FRG2C: variants seen among roughly 807,000 people sequenced by gnomAD.
FRG2C encodes protein FRG2-like-2.
FRG2C carries 8 observed loss-of-function variants against 14.1 expected under a neutral mutation model. The ratio of observed to expected loss-of-function variants is 0.57; its 90% CI spans 0.33 to 1.02. The LOEUF is 1.02. FRG2C is among the 50% of genes least tolerant of loss of function. FRG2C has a pLI of 0.03. For missense variants in FRG2C, 214 were observed against 334.2 expected, an observed-to-expected ratio of 0.64 and a Z score of 2.80; for synonymous variants, 92 against 127.4, an observed-to-expected ratio of 0.72 and a Z score of 1.87.
At position 75,665,307 on chromosome 3, in the gene FRG2C, C is replaced by A. The variant is rs58233101; in HGVS notation, c.334+104C>A. 3,673 of 1,445,478 alleles carry A rather than the reference C, an allele frequency of 2.5e-3. 9 individuals are homozygous for A. The East Asian group carries it at 0.06, about 24-fold the overall frequency. 89.5% of individuals were successfully genotyped at this position (1,445,478 alleles called of 1,614,324 possible). A position where few individuals can be genotyped will look rare whatever the true frequency, so the allele number is the denominator to read the frequency against. On this transcript the variant is annotated intron_variant, in intron 3 of 3. Transcript: ENST00000308062. ...AGGAAACTTTTATACGAGGCTTGAG[C>A]GGAAAGGGAATTACTTATTGACAAG...
Position 75,665,618 on chromosome 3 carries a change from T to C in FRG2C, c.426T>C (p.Cys142=), listed in dbSNP as rs1575740520. 6.2e-7 allele frequency: 1 copy of C among 1,614,064 alleles called. No homozygotes were observed. The highest frequency in any genetic ancestry group is 2.2e-5 in the East Asian group (1 of 44,894). ...AVHNSEIQET[C]DAHHRGSSRA... Reference sequence around the variant, plus strand: ...ACAACAGTGAAATCCAGGAGACCTGTGATGCCCACCATAGGGGAAGTTCCA... The same window carrying C: ...ACAACAGTGAAATCCAGGAGACCTGCGATGCCCACCATAGGGGAAGTTCCA... The change falls in exon 4 of 4, where the codon TGT becomes TGC. Residue 142 remains cysteine (C), a synonymous_variant. Transcript: ENST00000308062.
Position 75,665,891 on chromosome 3 carries a change from T to G in FRG2C, c.699T>G (p.Ala233=). Residue 233 remains alanine, a synonymous_variant, in exon 4 of 4, where the codon GCT becomes GCG. Transcript: ENST00000308062. The stretch of plus-strand genomic sequence containing the variant: ...TGTATTCCATGGCCACTCAGGCAGC[T>G]TATGTCTTCCCTGCTGAGAGCTGGC... ...QTLYSMATQA[A]YVFPAESWLV... is the part of the protein sequence containing the mutation. The G allele has an allele frequency of 6.2e-7, 1 of 1,614,008 alleles. No individual in the cohort carries two copies. The highest frequency in any genetic ancestry group is 8.5e-7 in the Non-Finnish European group (1 of 1,179,890).
In FRG2C at chr3:75,666,132, A is replaced by G. The variant is rs1472212354; in HGVS notation, c.*91A>G. On this transcript the variant is annotated 3_prime_UTR_variant, in exon 4 of 4. Transcript: ENST00000308062. Reference sequence around the variant, plus strand: ...AGACGACCAGCAGTGACAATTTTAGATGCACTGTGTTAATAAATGACAGAA... The same window carrying G: ...AGACGACCAGCAGTGACAATTTTAGGTGCACTGTGTTAATAAATGACAGAA... The G allele has an allele frequency of 4.4e-6, 7 of 1,595,160 alleles. No homozygotes were observed. In the East Asian group the frequency reaches 1.6e-4, roughly 36 times the overall value.
Position 75,664,334 on chromosome 3 carries a change from T to C in FRG2C, c.-46T>C, listed in dbSNP as rs1575739656. 4 of 1,611,984 alleles carry C rather than the reference T, an allele frequency of 2.5e-6. No homozygotes were observed. The highest frequency in any genetic ancestry group is 1.1e-5 in the South Asian group (1 of 90,984). On this transcript the variant is annotated 5_prime_UTR_variant, in exon 1 of 4. Coordinates refer to ENST00000308062, the MANE Select transcript of FRG2C (RefSeq NM_001124759.5). ...AGGTCTAGCAGACTAACCCACACTC[T>C]GCCTTTGGACATGTGAGAGAGCGCA... is the stretch of plus-strand genomic sequence containing the variant.
At chr3:75,665,363 T>C (rs1366945632) in intron 3 of FRG2C, among the ~76,000 whole-genome samples, 160 bp downstream of exon 3, 2 of 152,294 alleles carry the variant, frequency 1.3e-5, no homozygotes, top group Admixed American at 6.5e-5. Context: ...ACTCTGAGAA[T>C]ATTTGGGGAC....
Position 75,666,858 on chromosome 3 carries a change from G to C in FRG2C, c.*817G>C, listed in dbSNP as rs1185936464. 2 of 152,432 alleles carry C rather than the reference G, an allele frequency of 1.3e-5. No homozygotes were observed. Among genetic ancestry groups the C allele is most frequent in the South Asian group, 4.1e-4 (2 of 4,832 alleles). 9.4% of individuals were successfully genotyped at this position (152,432 alleles called of 1,614,324 possible). The stretch of plus-strand genomic sequence containing the variant: ...TATTTCTACATAAAATTTAAGTCAA[G>C]ATATATTAAATGGTAAATGATTGTA... On this transcript the variant is annotated 3_prime_UTR_variant, in exon 4 of 4. Coordinates refer to ENST00000308062, the MANE Select transcript of FRG2C (RefSeq NM_001124759.5).
At chr3:75,665,072 A>C in intron 2 of FRG2C, 54 bp from the exon 3 acceptor site, 1 of 1,604,136 alleles carries the variant, frequency 6.2e-7, no homozygotes. Flanking sequence ...ATGGACTAGG[A>C]ATTTCAGGGT....
At chr3:75,665,266 C>G in intron 3 of FRG2C, 63 bp downstream of exon 3, 3 of 1,554,586 alleles carry the variant, frequency 1.9e-6, no homozygotes, top group East Asian at 2.2e-5. Context: ...TGGTTTGCCC[C>G]AAAAGGCAAA....
intron 2 of FRG2C, 78 bp downstream of exon 2, chr3:75,664,974 T>C (rs1199283523): frequency 9.9e-6 from 16 of 1,613,218 alleles, no homozygotes; most frequent in Non-Finnish European, 1.4e-5. Flanking sequence ...TGGGAGCTCC[T>C]TGGCAGCCAG....
rs1466492533 is a variant in FRG2C at position 75,664,461 on chromosome 3, T to A, written c.82T>A (p.Ser28Thr). The change falls in exon 1 of 4, where the codon TCC becomes ACC. Residue 28 changes from serine (S) to threonine (T), a missense_variant. Around this residue, in one of 3 missense-constraint regions of FRG2C, gnomAD observed 23 missense variants for 67.1 expected, o/e 0.34. Transcript: ENST00000308062. Reference sequence around the variant, plus strand: ...TGACCAGCCCCCTTTCCAACAGATCTCCTTTACAGAAAAGGGCTCAGATGA... The same window carrying A: ...TGACCAGCCCCCTTTCCAACAGATCACCTTTACAGAAAAGGGCTCAGATGA... Reference protein sequence around the residue: ...STDQPPFQQISFTEKGSDEKK... With the variant: ...STDQPPFQQITFTEKGSDEKK... 1 of 1,612,482 alleles carries A rather than the reference T, an allele frequency of 6.2e-7. No individual in the cohort carries two copies. Among genetic ancestry groups the A allele is most frequent in the African/African-American group, 1.3e-5 (1 of 74,912 alleles).
In FRG2C at chr3:75,666,636, G is replaced by C. The variant is rs1350622355; in HGVS notation, c.*595G>C. On this transcript the variant is annotated 3_prime_UTR_variant, in exon 4 of 4. Transcript: ENST00000308062. ...GATCCACCAGCCTCCACCTCCCGACGTGGTGGGGTTACAGGCATGAGCCGC... is the reference window on the plus strand; with the variant it reads ...GATCCACCAGCCTCCACCTCCCGACCTGGTGGGGTTACAGGCATGAGCCGC... 15 of 161,500 alleles carry C rather than the reference G, an allele frequency of 9.3e-5. No homozygotes were observed. The highest frequency in any genetic ancestry group is 8.8e-4 in the Admixed American group (15 of 17,102). 10.0% of individuals were successfully genotyped at this position (161,500 alleles called of 1,614,324 possible). A position where few individuals can be genotyped will look rare whatever the true frequency, so the allele number is the denominator to read the frequency against.
chr3:75,664,473 A>C lies in FRG2C; in HGVS notation c.94A>C (p.Lys32Gln). Reference protein sequence around the residue: ...PPFQQISFTEKGSDEKKPFKG... With the variant: ...PPFQQISFTEQGSDEKKPFKG... ...TTTCCAACAGATCTCCTTTACAGAA[A>C]AGGGCTCAGATGAGAAGAAACCATT... Residue 32 changes from lysine to glutamine, a missense_variant, in exon 1 of 4, where the codon AAG (lysine) becomes CAG (glutamine). Physicochemically the swap from Lys to Gln is moderately conservative, Grantham distance 53. This residue lies in a region of FRG2C where 23 missense variants were observed against 67.1 expected (regional missense o/e 0.34). Transcript: ENST00000308062. 6.2e-7 allele frequency: 1 copy of C among 1,612,888 alleles called. No individual in the cohort carries two copies.
At chr3:75,664,706 C>A (rs1259554124) in intron 1 of FRG2C, 113 bp from the exon 2 acceptor site, 26 of 1,606,958 alleles carry the variant, frequency 1.6e-5, no homozygotes, top group Non-Finnish European at 2.1e-5. Context: ...TGTGTTCACT[C>A]ATGACACTGG....
Position 75,664,399 on chromosome 3 carries a change from A to T in FRG2C, c.20A>T (p.Asp7Val). Reference protein sequence around the residue: MGKGNEDPDLHCSSIQC... With the variant: MGKGNEVPDLHCSSIQC... ...TTCAACATGGGAAAGGGAAATGAAG[A>T]CCCCGATCTCCACTGTTCCTCCATC... The change falls in exon 1 of 4, where the codon GAC becomes GTC. Residue 7 changes from aspartate (D) to valine (V), a missense_variant. Asp to Val is a radical substitution (Grantham distance 152). Around this residue, in one of 3 missense-constraint regions of FRG2C, gnomAD observed 23 missense variants for 67.1 expected, o/e 0.34. Transcript: ENST00000308062. The T allele has an allele frequency of 1.2e-6, 2 of 1,612,136 alleles. No individual in the cohort carries two copies. The highest frequency in any genetic ancestry group is 1.7e-6 in the Non-Finnish European group (2 of 1,179,884).
rs2106736905 is a variant in FRG2C, at chr3:75,664,338, T to C, written c.-42T>C. ...CTAGCAGACTAACCCACACTCTGCC[T>C]TTGGACATGTGAGAGAGCGCACCTT... On this transcript the variant is annotated 5_prime_UTR_variant, in exon 1 of 4. Coordinates refer to ENST00000308062, the MANE Select transcript of FRG2C (RefSeq NM_001124759.5). The C allele has an allele frequency of 2.0e-5, 33 of 1,612,056 alleles. No homozygotes were observed. The East Asian group carries it at 7.4e-4, about 36-fold the overall frequency.
In FRG2C at chr3:75,664,403, C is replaced by T. The variant is rs1383550249; in HGVS notation, c.24C>T (p.Pro8=). 2.5e-5 allele frequency: 41 copies of T among 1,612,106 alleles called. No homozygotes were observed. The East Asian group carries it at 4.5e-4, about 18-fold the overall frequency. The change falls in exon 1 of 4, where the codon CCC becomes CCT. Residue 8 remains proline (P), a synonymous_variant. Transcript: ENST00000308062. The part of the protein sequence containing the change: MGKGNED[P]DLHCSSIQCS... The stretch of plus-strand genomic sequence containing the variant: ...ACATGGGAAAGGGAAATGAAGACCC[C>T]GATCTCCACTGTTCCTCCATCCAGT...
Position 75,666,423 on chromosome 3 carries a change from A to C in FRG2C, c.*382A>C, listed in dbSNP as rs1390056113. ...TTGAGACAGTCTTGCTATGTCACTC[A>C]GGCTGGAGTGCAGTGGCACAATCTT... is the stretch of plus-strand genomic sequence containing the variant. On this transcript the variant is annotated 3_prime_UTR_variant, in exon 4 of 4. Coordinates refer to ENST00000308062, the MANE Select transcript of FRG2C (RefSeq NM_001124759.5). 1 of 407,318 alleles carries C rather than the reference A, an allele frequency of 2.5e-6. No individual in the cohort carries two copies. The highest frequency in any genetic ancestry group is 4.3e-6 in the Non-Finnish European group (1 of 230,856). 25.2% of individuals were successfully genotyped at this position (407,318 alleles called of 1,614,324 possible). A position where few individuals can be genotyped will look rare whatever the true frequency, so the allele number is the denominator to read the frequency against.
chr3:75,665,717 C>A lies in FRG2C; in HGVS notation c.525C>A (p.Ser175Arg). The change falls in exon 4 of 4, where the codon AGC becomes AGA. Residue 175 changes from serine to arginine, a missense_variant. Transcript: ENST00000308062. ...TCCAAACACCGTCACTTCGAAAAAG[C>A]TTGGTGACCTCTGTGCGAGCTATGT... ...LEVQTPSLRK[S>R]LVTSVRAMSE... 1 of 1,614,068 alleles carries A rather than the reference C, an allele frequency of 6.2e-7. No homozygotes were observed. Among genetic ancestry groups the A allele is most frequent in the South Asian group, 1.1e-5 (1 of 91,080 alleles).
In FRG2C at chr3:75,664,874, C is replaced by T. The variant is rs1436459736; in HGVS notation, c.234C>T (p.Ala78=). ...ATTCTGAGGAAACCAAGCTCAAGGC[C>T]GGGAACAGCACTGCTGGATCAGGTA... ...KENSEETKLK[A]GNSTAGSEPE... is the part of the protein sequence containing the mutation. The change falls in exon 2 of 4, where the codon GCC becomes GCT. Residue 78 remains alanine (A), a synonymous_variant. Transcript: ENST00000308062. 32 of 1,614,148 alleles carry T rather than the reference C, an allele frequency of 2.0e-5. No homozygotes were observed. In the East Asian group the frequency reaches 2.7e-4, roughly 13 times the overall value.
Sources: allele counts gnomAD v4.1 joint callset (sites outside exome capture counted in the v4.1 genomes callset), GRCh38; gene constraint gnomAD v4.1.1; regional missense constraint gnomAD v4.1.1; transcripts MANE v1.5; gene names NCBI Gene and HGNC (gene_info 2026-07-23, HGNC 2026-07-21).